Variants in LINGO2 observed in about 807,000 individuals in gnomAD.
LINGO2 encodes the protein leucine-rich repeat and immunoglobulin-like domain-containing nogo receptor-interacting protein 2.
LINGO2 carries 14 observed loss-of-function variants against 30.6 expected under a neutral mutation model. The ratio of observed to expected loss-of-function variants is 0.46; its 90% CI spans 0.30 to 0.72. The LOEUF (loss-of-function observed/expected upper bound fraction) is 0.72, where lower values mean the gene tolerates loss of function less well. Among genes scored for constraint, LINGO2 ranks in the 30% least tolerant of loss-of-function variants. LINGO2 has a pLI of 0.07. For missense variants in LINGO2, 729 were observed against 751.7 expected (o/e 0.97, Z 0.35); for synonymous variants, 317 against 288.5 (o/e 1.10, Z -1.00).
the LINGO2 span, among the ~76,000 whole-genome samples, chr9:29,018,094 TA>T: frequency 4.9e-5 from 1 of 20,320 alleles, no homozygotes. Flanking sequence ...ATACATTTTA[TA>T]TATATATATA....
At chr9:28,733,734 C>T in the LINGO2 span, among the ~76,000 whole-genome samples, 3 of 152,074 alleles carry the variant, frequency 2.0e-5, no homozygotes, top group Admixed American at 2.0e-4. Context: ...GTCAGATTTA[C>T]CAGTTATACT....
At chr9:28,230,648 C>T (rs1023388587) in intron 4 of LINGO2, among the ~76,000 whole-genome samples, 2 of 151,726 alleles carry the variant, frequency 1.3e-5, no homozygotes, top group African/African-American at 2.4e-5. Flanking sequence ...TTGTTGAAAA[C>T]CACAATAGTT....
chr9:28,310,536 C>CT (rs1824571728), intron 3 of LINGO2, among the ~76,000 whole-genome samples: 1 of 152,098 alleles, frequency 6.6e-6, no homozygotes, highest in African/African-American at 2.4e-5. Flanking sequence ...GAAAGCCATT[C>CT]TGTAATCATA....
chr9:28,898,356 A>T, the LINGO2 span, among the ~76,000 whole-genome samples: 1 of 152,170 alleles, frequency 6.6e-6, no homozygotes, highest in East Asian at 1.9e-4. Context: ...CAAGCCCAGA[A>T]AAAAGAATAA....
chr9:29,080,293 C>T, the LINGO2 span, among the ~76,000 whole-genome samples: 1 of 151,778 alleles, frequency 6.6e-6, no homozygotes, highest in Non-Finnish European at 1.5e-5. Flanking sequence ...TGGTGATATC[C>T]CCTTTATCAT....
the LINGO2 span, among the ~76,000 whole-genome samples, chr9:28,897,903 T>C: frequency 6.6e-6 from 1 of 152,122 alleles, no homozygotes; most frequent in Non-Finnish European, 1.5e-5. Context: ...TTAGGTTTTA[T>C]TTAAATCAAA....
intron 4 of LINGO2, among the ~76,000 whole-genome samples, chr9:28,135,878 C>G (rs1397157396): frequency 6.6e-6 from 1 of 152,146 alleles, no homozygotes; most frequent in East Asian, 1.9e-4. Flanking sequence ...ATCTCAAACA[C>G]AACTATCTCA....
chr9:28,860,954 ATATAT>A, the LINGO2 span, among the ~76,000 whole-genome samples: 2 of 133,162 alleles, frequency 1.5e-5, no homozygotes, highest in African/African-American at 5.7e-5. Context: ...AATATATATA[ATATAT>A]TATATATCAT....
intron 4 of LINGO2, among the ~76,000 whole-genome samples, chr9:28,032,804 CT>C (rs1823747111): frequency 6.6e-6 from 1 of 152,164 alleles, no homozygotes; most frequent in Non-Finnish European, 1.5e-5. Context: ...AAAAGTTCTA[CT>C]TTGGTTTGGG....
At chr9:28,479,555 A>C (rs1450764468) in intron 1 of LINGO2, among the ~76,000 whole-genome samples, 1 of 151,874 alleles carries the variant, frequency 6.6e-6, no homozygotes, top group Non-Finnish European at 1.5e-5. Flanking sequence ...CATAGGTTTT[A>C]ATCAATTTTG....
intron 3 of LINGO2, among the ~76,000 whole-genome samples, chr9:28,309,209 T>C (rs918812643): frequency 6.6e-6 from 1 of 152,048 alleles, no homozygotes; most frequent in African/African-American, 2.4e-5. Flanking sequence ...TAGACTGGAT[T>C]AAGAAAATGT....
At chr9:29,064,782 C>T in the LINGO2 span, among the ~76,000 whole-genome samples, 4 of 151,936 alleles carry the variant, frequency 2.6e-5, no homozygotes, top group East Asian at 5.8e-4. Flanking sequence ...AGAAGTGATA[C>T]TTGATTATTA....
At chr9:29,123,466 T>G in the LINGO2 span, among the ~76,000 whole-genome samples, 20 of 152,072 alleles carry the variant, frequency 1.3e-4, no homozygotes, top group Non-Finnish European at 2.5e-4. Flanking sequence ...TAAAGAATTA[T>G]GTTTTACCCT....
intron 1 of LINGO2, among the ~76,000 whole-genome samples, chr9:28,545,043 T>A (rs1225778383): frequency 6.6e-6 from 1 of 151,970 alleles, no homozygotes; most frequent in Admixed American, 6.6e-5. Flanking sequence ...CAATTATTAT[T>A]TGCATTTGAG....
At chr9:29,043,512 C>T in the LINGO2 span, among the ~76,000 whole-genome samples, 1 of 151,954 alleles carries the variant, frequency 6.6e-6, no homozygotes, top group Admixed American at 6.6e-5. Flanking sequence ...GCAATATTTG[C>T]ACTCTTAATT....
the LINGO2 span, among the ~76,000 whole-genome samples, chr9:29,130,790 C>G: frequency 2.7e-5 from 4 of 150,906 alleles, no homozygotes; most frequent in South Asian, 2.1e-4. Flanking sequence ...ATCAACTGCT[C>G]AACAATTACA....
intron 1 of LINGO2, among the ~76,000 whole-genome samples, chr9:28,646,190 A>T (rs1192630908): frequency 6.6e-6 from 1 of 152,100 alleles, no homozygotes; most frequent in Admixed American, 6.6e-5. Flanking sequence ...TCACATGCTT[A>T]GTTATTTTCC....
At chr9:29,042,377 CA>C in the LINGO2 span, among the ~76,000 whole-genome samples, 1 of 151,910 alleles carries the variant, frequency 6.6e-6, no homozygotes, top group East Asian at 1.9e-4. Context: ...GATGTTCACA[CA>C]AAAACCTGTA....
At chr9:28,965,504 T>C in the LINGO2 span, among the ~76,000 whole-genome samples, 1 of 152,054 alleles carries the variant, frequency 6.6e-6, no homozygotes, top group Non-Finnish European at 1.5e-5. Flanking sequence ...TTCCTTCGCA[T>C]TGTAAGTTCT....
Sources: gnomAD v4.1 joint callset for allele counts (sites outside exome capture counted in the v4.1 genomes callset) on GRCh38, gnomAD v4.1.1 for gene constraint, MANE v1.5 for transcripts, NCBI Gene and HGNC (gene_info 2026-07-23, HGNC 2026-07-21) for gene names.